Variants in EPM2A observed in about 807,000 individuals in gnomAD.
EPM2A encodes the protein laforin.
A neutral mutation model predicts 26.5 loss-of-function variants in EPM2A; 21 were observed. That is an observed-to-expected ratio of 0.79 (90% confidence interval 0.56 to 1.14). EPM2A has a LOEUF of 1.14. Among genes scored for constraint, EPM2A ranks in the 50% most tolerant of loss-of-function variants. The pLI, the probability that EPM2A is intolerant of heterozygous loss-of-function variation, is 0.00. For missense variants in EPM2A, 458 were observed against 440.8 expected (o/e 1.04, Z -0.35); for synonymous variants, 217 against 177.6 (o/e 1.22, Z -1.76).
At chr6:145,542,889 G>C (rs1012552817) in intron 2 of EPM2A, among the ~76,000 whole-genome samples, 1 of 152,136 alleles carries the variant, frequency 6.6e-6, no homozygotes, top group African/African-American at 2.4e-5. Context: ...CTCCCGCGTA[G>C]CTGGGATTAC....
chr6:145,604,320 A>G (rs558835573), intron 2 of EPM2A, among the ~76,000 whole-genome samples: 40 of 152,284 alleles, frequency 2.6e-4, no homozygotes, highest in South Asian at 2.3e-3. Flanking sequence ...GGTTTCTTTC[A>G]GGAATTTAAT....
chr6:145,403,473 G>A (rs1471186454), intron 4 of EPM2A, among the ~76,000 whole-genome samples: 1 of 147,702 alleles, frequency 6.8e-6, no homozygotes. Context: ...ATGTCCATGA[G>A]TTCAATTGTT....
intron 1 of EPM2A, among the ~76,000 whole-genome samples, chr6:145,728,878 C>A (rs926278573): frequency 6.6e-6 from 1 of 152,184 alleles, no homozygotes; most frequent in African/African-American, 2.4e-5. Flanking sequence ...GCCCCTCTCA[C>A]CACAAGCCTG....
At chr6:145,656,994 C>T (rs1295719523) in intron 2 of EPM2A, among the ~76,000 whole-genome samples, 2 of 151,372 alleles carry the variant, frequency 1.3e-5, no homozygotes, top group African/African-American at 2.4e-5. Flanking sequence ...AGGCAGAATT[C>T]GTGTTAGAGA....
chr6:145,652,576 T>G (rs1009075026), intron 2 of EPM2A, among the ~76,000 whole-genome samples: 2 of 152,040 alleles, frequency 1.3e-5, no homozygotes, highest in African/African-American at 4.8e-5. Flanking sequence ...AGCCAGCACC[T>G]AGATCCAGAA....
At chr6:145,635,982 T>A (rs1776652926) in intron 2 of EPM2A, 2 of 178,894 alleles carry the variant, frequency 1.1e-5, no homozygotes, top group African/African-American at 4.8e-5. Flanking sequence ...AACAACAGAC[T>A]TCTTTTAATA....
chr6:145,594,164 T>G (rs1201767458), intron 2 of EPM2A, among the ~76,000 whole-genome samples: 1 of 151,826 alleles, frequency 6.6e-6, no homozygotes, highest in African/African-American at 2.4e-5. Context: ...ATAACTTAGA[T>G]GAAATGGGCC....
At chr6:145,406,036 C>G (rs1389276722) in intron 4 of EPM2A, among the ~76,000 whole-genome samples, 3 of 151,518 alleles carry the variant, frequency 2.0e-5, no homozygotes, top group Non-Finnish European at 2.9e-5. Flanking sequence ...CACACACACA[C>G]AGTATATTAT....
intron 4 of EPM2A, among the ~76,000 whole-genome samples, chr6:145,484,181 T>C (rs1045956622): frequency 7.2e-5 from 11 of 152,126 alleles, no homozygotes; most frequent in Admixed American, 6.6e-4. Context: ...TCTTCTGTAA[T>C]GATTTAGGAT....
chr6:145,512,452 C>T (rs113394804), intron 2 of EPM2A, among the ~76,000 whole-genome samples: 8,055 of 151,932 alleles, frequency 0.053, 710 homozygotes, highest in African/African-American at 0.18. Context: ...TGGTGGCTCA[C>T]GTCTGTAATC....
chr6:145,478,249 T>C (rs1779565765), intron 4 of EPM2A, among the ~76,000 whole-genome samples: 1 of 151,644 alleles, frequency 6.6e-6, no homozygotes, highest in African/African-American at 2.4e-5. Flanking sequence ...ATAAAAACTA[T>C]AAAACCCTGA....
At chr6:145,385,405 A>T (rs1299253236) in intron 4 of EPM2A, among the ~76,000 whole-genome samples, 1 of 152,090 alleles carries the variant, frequency 6.6e-6, no homozygotes, top group Non-Finnish European at 1.5e-5. Flanking sequence ...AATAAAAAAT[A>T]AAAAAAGGTC....
In EPM2A at chr6:145,583,187, T is replaced by C. The variant is rs553482689; in HGVS notation, c.340+52058A>G. ...GCCATTTGAGCCTGGTTAAGAACCA[T>C]TGCTGTGGAACTAGTGTGGTCATTT... On this transcript the variant is annotated intron_variant, in intron 2 of 3. Transcript: ENST00000450221. Among the ~76,000 whole-genome samples the C allele has an allele frequency of 2.3e-4, 35 of 152,314 alleles. No individual in the cohort carries two copies. In the South Asian group the frequency reaches 5.6e-3, roughly 24 times the overall value.
At chr6:145,449,193 A>G (rs564797452) in intron 4 of EPM2A, among the ~76,000 whole-genome samples, 3 of 152,162 alleles carry the variant, frequency 2.0e-5, no homozygotes, top group South Asian at 4.1e-4. Flanking sequence ...ACCCATTAAC[A>G]TTTTTTTAAA....
At chr6:145,676,134 A>T (rs1283629419) in intron 2 of EPM2A, among the ~76,000 whole-genome samples, 1 of 152,188 alleles carries the variant, frequency 6.6e-6, no homozygotes, top group East Asian at 1.9e-4. Flanking sequence ...ACTCAAAACC[A>T]CACAACTACA....
intron 4 of EPM2A, among the ~76,000 whole-genome samples, chr6:145,396,296 T>C (rs1392478577): frequency 6.6e-6 from 1 of 152,160 alleles, no homozygotes; most frequent in Non-Finnish European, 1.5e-5. Context: ...TTCCTCTCCC[T>C]CATTCCCTTT....
intron 4 of EPM2A, among the ~76,000 whole-genome samples, chr6:145,449,395 C>T (rs1311153147): frequency 1.3e-5 from 2 of 152,120 alleles, no homozygotes; most frequent in Non-Finnish European, 2.9e-5. Flanking sequence ...TTTTTATTTA[C>T]ACAGAAAAGT....
intron 2 of EPM2A, among the ~76,000 whole-genome samples, chr6:145,668,894 A>C (rs1052145834): frequency 6.6e-6 from 1 of 152,192 alleles, no homozygotes; most frequent in Non-Finnish European, 1.5e-5. Flanking sequence ...CAAACACACC[A>C]TATGGTCTTT....
chr6:145,721,117 C>T (rs2128638698), intron 1 of EPM2A: 1 of 152,404 alleles, frequency 6.6e-6, no homozygotes, highest in South Asian at 2.1e-4. Context: ...GAGCCAAGAT[C>T]ATGCCACTGT....
Sources: gnomAD v4.1 joint callset for allele counts (sites outside exome capture counted in the v4.1 genomes callset) on GRCh38, gnomAD v4.1.1 for gene constraint, MANE v1.5 for transcripts, NCBI Gene and HGNC (gene_info 2026-07-23, HGNC 2026-07-21) for gene names.